PCDH15: variants seen among roughly 807,000 people sequenced by gnomAD.
The protein encoded by PCDH15 is protocadherin-15.
PCDH15 carries 129 observed loss-of-function variants against 178.5 expected under a neutral mutation model. That is an observed-to-expected ratio of 0.72 (90% CI 0.63 to 0.84). The LOEUF is 0.84. PCDH15 is among the 40% of genes least tolerant of loss of function. The probability of loss-of-function intolerance (pLI) is 0.00; values close to 1 mark genes in which losing one functional copy is unlikely to be tolerated. For missense variants in PCDH15, 2,230 were observed against 2,099.9 expected (o/e 1.06, Z -1.21); for synonymous variants, 800 against 732.0 (o/e 1.09, Z -1.50).
chr10:54,170,584 C>G (rs1465916446), intron 13 of PCDH15, among the ~76,000 whole-genome samples: 1 of 151,090 alleles, frequency 6.6e-6, no homozygotes, highest in Non-Finnish European at 1.5e-5. Flanking sequence ...CCACAATTAC[C>G]GTCGTTCTTG....
intron 1 of PCDH15, among the ~76,000 whole-genome samples, chr10:55,194,266 C>A (rs955480038): frequency 6.6e-6 from 1 of 151,956 alleles, no homozygotes; most frequent in Non-Finnish European, 1.5e-5. Flanking sequence ...AATAACAGCC[C>A]TTTTCTCTCT....
intron 25 of PCDH15, among the ~76,000 whole-genome samples, chr10:53,912,780 C>A (rs1316907670): frequency 6.6e-6 from 1 of 152,036 alleles, no homozygotes; most frequent in African/African-American, 2.4e-5. Context: ...CACTGCTCAG[C>A]AAAATAAAAG....
At chr10:54,564,298 C>G (rs1389056889) in intron 2 of PCDH15, among the ~76,000 whole-genome samples, 1 of 152,010 alleles carries the variant, frequency 6.6e-6, no homozygotes, top group African/African-American at 2.4e-5. Context: ...TAATTTAAGG[C>G]AAAGGTGGAG....
intron 5 of PCDH15, among the ~76,000 whole-genome samples, chr10:54,347,518 T>C (rs921985377): frequency 5.9e-5 from 9 of 152,162 alleles, no homozygotes; most frequent in Non-Finnish European, 1.3e-4. Context: ...TCTCTTAATT[T>C]TTGACTAGGA....
chr10:54,858,771 A>G (rs1215124809), intron 3 of PCDH15, among the ~76,000 whole-genome samples: 1 of 152,058 alleles, frequency 6.6e-6, no homozygotes, highest in Non-Finnish European at 1.5e-5. Context: ...ATATGCATGC[A>G]TAACTATATA....
At chr10:55,195,023 AT>A (rs763738202) in intron 1 of PCDH15, among the ~76,000 whole-genome samples, 310 of 140,440 alleles carry the variant, frequency 2.2e-3, no homozygotes, top group Middle Eastern at 0.011. Context: ...GAAGAAGAAA[AT>A]TTTTTTTTTT....
intron 2 of PCDH15, among the ~76,000 whole-genome samples, chr10:54,571,234 A>G (rs2089786610): frequency 6.6e-6 from 1 of 151,278 alleles, no homozygotes; most frequent in Non-Finnish European, 1.5e-5. Context: ...GTTTTGGGGT[A>G]CCTGGGGCTT....
intron 2 of PCDH15, among the ~76,000 whole-genome samples, chr10:55,554,248 A>C (rs1303920391): frequency 6.6e-6 from 1 of 152,010 alleles, no homozygotes; most frequent in Non-Finnish European, 1.5e-5. Flanking sequence ...CTCAACCTTT[A>C]AATTAGGCAT....
At chr10:55,611,482 A>G (rs1843363441) in intron 2 of PCDH15, among the ~76,000 whole-genome samples, 1 of 152,094 alleles carries the variant, frequency 6.6e-6, no homozygotes, top group East Asian at 1.9e-4. Context: ...TAGAATGGCT[A>G]TTACAAAGAA....
At chr10:54,733,042 C>T (rs1943618886) in intron 1 of PCDH15, among the ~76,000 whole-genome samples, 2 of 151,466 alleles carry the variant, frequency 1.3e-5, no homozygotes, top group South Asian at 2.1e-4. Context: ...TCTACGAAAA[C>T]GTACAGCTAA....
intron 1 of PCDH15, among the ~76,000 whole-genome samples, chr10:54,672,830 T>A (rs563835631): frequency 2.0e-5 from 3 of 152,162 alleles, no homozygotes; most frequent in African/African-American, 7.2e-5. Flanking sequence ...TTTTGAGCTA[T>A]AACTCAGTCA....
intron 2 of PCDH15, among the ~76,000 whole-genome samples, chr10:55,016,940 T>G (rs1261493239): frequency 6.9e-6 from 1 of 144,650 alleles, no homozygotes; most frequent in Non-Finnish European, 1.5e-5. Flanking sequence ...CCCTAATGAG[T>G]AAGAGTATAA....
At chr10:55,487,206 A>G (rs1840315163) in intron 2 of PCDH15, among the ~76,000 whole-genome samples, 1 of 151,626 alleles carries the variant, frequency 6.6e-6, no homozygotes, top group Non-Finnish European at 1.5e-5. Context: ...TTATTGCTTC[A>G]GTGGAATACT....
intron 17 of PCDH15, 90 bp downstream of exon 17, chr10:54,079,241 A>AC (rs2094396231): frequency 1.6e-6 from 2 of 1,272,838 alleles, no homozygotes; most frequent in East Asian, 4.6e-5. Flanking sequence ...CAGATGAAAA[A>AC]CATTAATTCA....
At chr10:55,368,378 G>T (rs2131986511) in intron 2 of PCDH15, among the ~76,000 whole-genome samples, 1 of 152,078 alleles carries the variant, frequency 6.6e-6, no homozygotes, top group Non-Finnish European at 1.5e-5. Flanking sequence ...GGTTTATTTT[G>T]TAAATTAAAA....
At chr10:55,043,692 A>G (rs1591854792) in intron 2 of PCDH15, among the ~76,000 whole-genome samples, 2 of 151,708 alleles carry the variant, frequency 1.3e-5, no homozygotes, top group East Asian at 3.9e-4. Flanking sequence ...CCTAGGTGAC[A>G]AAGTGAGATC....
At chr10:53,810,158 C>A (rs1438065273) in intron 37 of PCDH15, among the ~76,000 whole-genome samples, 2 of 152,024 alleles carry the variant, frequency 1.3e-5, no homozygotes, top group East Asian at 3.9e-4. Context: ...ATTTACTTTT[C>A]TCTGATAATT....
At chr10:54,854,115 G>A (rs572885901) in intron 3 of PCDH15, among the ~76,000 whole-genome samples, 6 of 152,248 alleles carry the variant, frequency 3.9e-5, no homozygotes, top group Non-Finnish European at 8.8e-5. Flanking sequence ...GCAGCGGGAC[G>A]GGCAGCTCCT....
At chr10:54,866,184 G>A (rs537623059) in intron 3 of PCDH15, among the ~76,000 whole-genome samples, 15 of 152,150 alleles carry the variant, frequency 9.9e-5, no homozygotes, top group Admixed American at 6.6e-5. Flanking sequence ...TAGTTCATGC[G>A]TTAAATTAGA....
Sources: allele counts gnomAD v4.1 joint callset (sites outside exome capture counted in the v4.1 genomes callset), GRCh38; gene constraint gnomAD v4.1.1; transcripts MANE v1.5; gene names NCBI Gene and HGNC (gene_info 2026-07-23, HGNC 2026-07-21).